Variants in FTCDNL1 observed in about 807,000 individuals in gnomAD.
FTCDNL1 encodes formiminotransferase N-terminal subdomain-containing protein.
FTCDNL1 carries 11 observed loss-of-function variants against 5.9 expected under a neutral mutation model. The observed-to-expected ratio is 1.87, with a 90% CI of 1.18 to 3.10. The LOEUF (loss-of-function observed/expected upper bound fraction) is 3.10, where lower values mean the gene tolerates loss of function less well. Ranked by LOEUF, FTCDNL1 falls within the 30% of genes most tolerant of loss-of-function variation. The probability of loss-of-function intolerance (pLI) is 0.00; values close to 1 mark genes in which losing one functional copy is unlikely to be tolerated. For missense variants in FTCDNL1, 115 were observed against 65.5 expected, an observed-to-expected ratio of 1.76 and a Z score of -2.61; for synonymous variants, 58 against 24.8, an observed-to-expected ratio of 2.34 and a Z score of -3.99.
At chr2:199,740,168 C>T in the FTCDNL1 span, among the ~76,000 whole-genome samples, 1 of 152,224 alleles carries the variant, frequency 6.6e-6, no homozygotes, top group African/African-American at 2.4e-5. Context: ...AAAAACAACT[C>T]GGTTCATTTT....
the FTCDNL1 span, among the ~76,000 whole-genome samples, chr2:199,721,632 T>TATATA: frequency 6.6e-6 from 1 of 152,226 alleles, no homozygotes; most frequent in Non-Finnish European, 1.5e-5. Context: ...TTCCTGTAGG[T>TATATA]ATATACCCAG....
chr2:199,793,342 A>G (rs1048781406), intron 3 of FTCDNL1, among the ~76,000 whole-genome samples: 3 of 152,236 alleles, frequency 2.0e-5, no homozygotes, highest in Admixed American at 6.5e-5. Context: ...AGTTAGTTTC[A>G]TATTTCCTGA....
chr2:199,745,096 A>G, the FTCDNL1 span, among the ~76,000 whole-genome samples: 4 of 152,220 alleles, frequency 2.6e-5, no homozygotes, highest in Non-Finnish European at 5.9e-5. Flanking sequence ...ATGTCAGTCT[A>G]TGGCTTTGCC....
the FTCDNL1 span, among the ~76,000 whole-genome samples, chr2:199,667,092 C>T: frequency 7.2e-5 from 11 of 151,942 alleles, no homozygotes; most frequent in Non-Finnish European, 1.3e-4. Flanking sequence ...CTGAAGATGA[C>T]ATTCTATTCC....
chr2:199,724,938 TA>T, the FTCDNL1 span, among the ~76,000 whole-genome samples: 71 of 151,708 alleles, frequency 4.7e-4, no homozygotes, highest in Admixed American at 1.4e-3. Context: ...TGAATATCTT[TA>T]AAAAATTTTT....
intron 3 of FTCDNL1, among the ~76,000 whole-genome samples, chr2:199,835,481 C>T (rs984135537): frequency 2.6e-5 from 4 of 151,948 alleles, no homozygotes; most frequent in African/African-American, 4.8e-5. Context: ...TGTGAGTCTC[C>T]CGAGAAGCAC....
chr2:199,822,423 T>C (rs1701753728), intron 3 of FTCDNL1, among the ~76,000 whole-genome samples: 1 of 152,040 alleles, frequency 6.6e-6, no homozygotes, highest in South Asian at 2.1e-4. Flanking sequence ...CAAAAACTTT[T>C]TTGCTAAAAA....
chr2:199,700,110 A>C, the FTCDNL1 span, among the ~76,000 whole-genome samples: 1 of 152,144 alleles, frequency 6.6e-6, no homozygotes, highest in African/African-American at 2.4e-5. Context: ...AAATCAAATT[A>C]TCTCTCTTCA....
At chr2:199,749,716 G>C in the FTCDNL1 span, among the ~76,000 whole-genome samples, 3 of 152,138 alleles carry the variant, frequency 2.0e-5, no homozygotes, top group Admixed American at 6.5e-5. Context: ...ACAGATGAGA[G>C]AGCTGCCTAC....
intron 3 of FTCDNL1, among the ~76,000 whole-genome samples, chr2:199,793,607 A>G (rs1700037117): frequency 6.6e-6 from 1 of 152,190 alleles, no homozygotes; most frequent in South Asian, 2.1e-4. Context: ...ATCTAAGATT[A>G]TTTTTTGACA....
intron 3 of FTCDNL1, among the ~76,000 whole-genome samples, chr2:199,835,678 G>A (rs904591833): frequency 1.3e-5 from 2 of 152,134 alleles, no homozygotes; most frequent in South Asian, 2.1e-4. Flanking sequence ...AAAGATAAAA[G>A]GAAAAGGGAT....
In FTCDNL1 at chr2:199,775,368, G is replaced by A. The variant is rs1008372395; in HGVS notation, c.212-14533C>T. On this transcript the variant is annotated intron_variant, in intron 3 of 3. Coordinates refer to the FTCDNL1 transcript ENST00000416668. ...TTCTTGAGATGTCTTCAGATATAACGGCCCATCAGAGTTGGCCCAAATTGA... is the reference window on the plus strand; with the variant it reads ...TTCTTGAGATGTCTTCAGATATAACAGCCCATCAGAGTTGGCCCAAATTGA... Among the ~76,000 whole-genome samples, 8 of 152,136 alleles carry A rather than the reference G, an allele frequency of 5.3e-5. No individual in the cohort carries two copies. The East Asian group carries it at 9.6e-4, about 18-fold the overall frequency.
At chr2:199,769,258 A>T (rs1254730246) in intron 3 of FTCDNL1, among the ~76,000 whole-genome samples, 1 of 152,136 alleles carries the variant, frequency 6.6e-6, no homozygotes, top group Admixed American at 6.5e-5. Flanking sequence ...GTTCCCACCC[A>T]AATCTCACCT....
At chr2:199,800,132 A>G (rs1700371152) in intron 3 of FTCDNL1, among the ~76,000 whole-genome samples, 1 of 152,060 alleles carries the variant, frequency 6.6e-6, no homozygotes, top group Admixed American at 6.5e-5. Flanking sequence ...CATGTAACCT[A>G]CCCTGGTGAT....
At chr2:199,776,916 G>GGA (rs1553537472) in intron 3 of FTCDNL1, among the ~76,000 whole-genome samples, 63 of 143,534 alleles carry the variant, frequency 4.4e-4, no homozygotes, top group South Asian at 1.1e-3. Context: ...ATATGTGTAT[G>GGA]TATATATATA....
intron 3 of FTCDNL1, among the ~76,000 whole-genome samples, chr2:199,833,862 G>A (rs1027361492): frequency 6.6e-6 from 1 of 152,032 alleles, no homozygotes; most frequent in Non-Finnish European, 1.5e-5. Flanking sequence ...TTCAGATAAC[G>A]ACCATTTCCA....
intron 3 of FTCDNL1, among the ~76,000 whole-genome samples, chr2:199,803,330 G>A (rs1304722451): frequency 6.6e-6 from 1 of 152,088 alleles, no homozygotes; most frequent in Non-Finnish European, 1.5e-5. Flanking sequence ...ATAGAGGGGT[G>A]AGTCAACTAA....
chr2:199,844,601 T>C, intron 3 of FTCDNL1: 3 of 435,838 alleles, frequency 6.9e-6, no homozygotes, highest in Non-Finnish European at 1.2e-5. Context: ...AGCTATGATT[T>C]TGTTGGTCCC....
Position 199,763,587 on chromosome 2 carries a change from T to C in FTCDNL1, c.212-2752A>G, listed in dbSNP as rs984916210. ...TCCTGCCTGGATCTGCCAGAGCTCT[T>C]ACTTGTTTCTGGTAGTCCTGTCCAG... On this transcript the variant is annotated intron_variant, in intron 3 of 3. Coordinates refer to the FTCDNL1 transcript ENST00000416668. Among the ~76,000 whole-genome samples, 40 of 152,104 alleles carry C rather than the reference T, an allele frequency of 2.6e-4. 1 individual carries two copies. The highest frequency in any genetic ancestry group is 9.4e-4 in the African/African-American group (39 of 41,418).
Sources: gnomAD v4.1 joint callset for allele counts (sites outside exome capture counted in the v4.1 genomes callset) on GRCh38, gnomAD v4.1.1 for gene constraint, MANE v1.5 for transcripts, NCBI Gene and HGNC (gene_info 2026-07-23, HGNC 2026-07-21) for gene names.